Variants in TRIM55 observed in about 807,000 individuals in gnomAD.
TRIM55 encodes tripartite motif containing 55, also known as tripartite motif-containing protein 55.
In TRIM55, 50 loss-of-function variants were observed where a neutral mutation model predicts 60.9. That is an observed-to-expected ratio of 0.82 (90% CI 0.65 to 1.04). TRIM55 has a LOEUF of 1.04. TRIM55 is among the 50% of genes least tolerant of loss of function. The probability of loss-of-function intolerance (pLI) is 0.00; values close to 1 mark genes in which losing one functional copy is unlikely to be tolerated. For missense variants in TRIM55, 681 were observed against 666.9 expected, an observed-to-expected ratio of 1.02 and a Z score of -0.23; for synonymous variants, 237 against 238.1, an observed-to-expected ratio of 1.00 and a Z score of 0.04.
At chr8:66,123,238 TC>T (rs1017473032), upstream of TRIM55, among the ~76,000 whole-genome samples, 4 of 152,332 alleles carry the variant, frequency 2.6e-5, no homozygotes, top group African/African-American at 9.6e-5. Flanking sequence ...CTTTGAGCTG[TC>T]CCATCTTTCA....
At chr8:66,135,815 C>A (rs1490367238) in intron 3 of TRIM55, among the ~76,000 whole-genome samples, 1 of 152,192 alleles carries the variant, frequency 6.6e-6, no homozygotes, top group Non-Finnish European at 1.5e-5. Flanking sequence ...TCCCTCTACA[C>A]ATTACCAACC....
At position 66,128,431 on chromosome 8, in the gene TRIM55, T is replaced by A. The variant is rs1329868223; in HGVS notation, c.296T>A (p.Leu99Gln). Reference protein sequence around the residue: ...RHGVYGLQRNLLVENIIDIYK... With the variant: ...RHGVYGLQRNQLVENIIDIYK... ...GGGGTATATGGACTTCAGAGGAACCTGCTGGTGGAAAATATCATTGACATC... is the reference window on the plus strand; with the variant it reads ...GGGGTATATGGACTTCAGAGGAACCAGCTGGTGGAAAATATCATTGACATC... The change falls in exon 2 of 10, where the codon CTG becomes CAG. Residue 99 changes from leucine to glutamine, a missense_variant. Physicochemically the swap from Leu to Gln is moderately radical, Grantham distance 113 (BLOSUM62 -2). Transcript: ENST00000315962. 1 of 1,613,862 alleles carries A rather than the reference T, an allele frequency of 6.2e-7. No homozygotes were observed. Among genetic ancestry groups the A allele is most frequent in the East Asian group, 2.2e-5 (1 of 44,878 alleles).
chr8:66,127,790 G>C (rs560137040), intron 1 of TRIM55, among the ~76,000 whole-genome samples: 2 of 152,118 alleles, frequency 1.3e-5, no homozygotes, highest in Non-Finnish European at 2.9e-5. Context: ...AGCGGAGATC[G>C]TGCCATTGCC....
the TRIM55 span, among the ~76,000 whole-genome samples, chr8:66,114,176 C>A: frequency 6.7e-6 from 1 of 148,304 alleles, no homozygotes; most frequent in Non-Finnish European, 1.5e-5. Flanking sequence ...GATAATAAGC[C>A]GTGCCCAGCC....
intron 9 of TRIM55, among the ~76,000 whole-genome samples, chr8:66,170,332 A>G (rs1411958806): frequency 6.6e-6 from 1 of 152,196 alleles, no homozygotes; most frequent in African/African-American, 2.4e-5. Flanking sequence ...GGAATCATAT[A>G]ATATTCGTCC....
chr8:66,175,408 A>G lies in TRIM55; in HGVS notation c.*815A>G, dbSNP rs1181722737. ...TATATTTAAATCATGCTTTGTTAAT[A>G]TTTGTCCCACCATAATGCCTCCTTC... On this transcript the variant is annotated 3_prime_UTR_variant, in exon 10 of 10. Coordinates refer to ENST00000315962, the MANE Select transcript of TRIM55 (RefSeq NM_184085.2). 1 of 152,194 alleles carries G rather than the reference A, an allele frequency of 6.6e-6. No homozygotes were observed. Among genetic ancestry groups the G allele is most frequent in the Non-Finnish European group, 1.5e-5 (1 of 68,038 alleles). The allele number at this position is 152,194 out of a possible 1,614,324, so 9.4% of individuals were successfully genotyped here.
At chr8:66,121,656 T>C in the TRIM55 span, among the ~76,000 whole-genome samples, 1 of 152,198 alleles carries the variant, frequency 6.6e-6, no homozygotes. Context: ...AACGCTGAGC[T>C]GTTACCAATC....
intron 1 of TRIM55, 72 bp from the exon 2 acceptor site, chr8:66,128,232 G>C (rs1354429784): frequency 2.2e-6 from 3 of 1,361,600 alleles, no homozygotes; most frequent in Middle Eastern, 2.6e-4. Context: ...TAGTAGCAGA[G>C]AGTGAAAATA....
intron 7 of TRIM55, among the ~76,000 whole-genome samples, chr8:66,151,483 A>G (rs751755722): frequency 1.3e-5 from 2 of 152,196 alleles, no homozygotes; most frequent in Non-Finnish European, 2.9e-5. Flanking sequence ...TTTTAAAGGC[A>G]AATCTTTAGG....
At chr8:66,150,190 A>T in intron 5 of TRIM55, 27 bp from the exon 6 acceptor site, 1 of 1,608,482 alleles carries the variant, frequency 6.2e-7, no homozygotes, top group East Asian at 2.2e-5. Flanking sequence ...TAATTTAAGT[A>T]AGACTATCTT....
chr8:66,159,608 G>A (rs186440581), intron 9 of TRIM55, among the ~76,000 whole-genome samples: 216 of 152,318 alleles, frequency 1.4e-3, no homozygotes, highest in Non-Finnish European at 2.8e-3. Flanking sequence ...ATAAGAAACT[G>A]TCAAACTGTT....
rs926872124 is a variant in TRIM55 at position 66,135,944 on chromosome 8, A to G, written c.507+789A>G. ...AGGCACCGAGAACTTGAGCAGTTCC[A>G]CTACTCAGTTTCTTTCATTTAGAAT... is the stretch of plus-strand genomic sequence containing the variant. On this transcript the variant is annotated intron_variant, in intron 3 of 9. Transcript: ENST00000315962. 2.6e-5 allele frequency among the ~76,000 whole-genome samples: 4 copies of G among 152,178 alleles called. No homozygotes were observed. In the East Asian group the frequency reaches 7.7e-4, roughly 29 times the overall value.
chr8:66,152,501 T>C lies in TRIM55; in HGVS notation c.1110T>C (p.Asp370=), dbSNP rs745594108. The change falls in exon 8 of 10, where the codon GAT becomes GAC. Residue 370 remains aspartate, a synonymous_variant. Transcript: ENST00000315962. ...TTCAAACAGAGTTTCCAGGAGAAGATGAAAACCCAGAAAAAGCTTCAGAGC... is the reference window on the plus strand; with the variant it reads ...TTCAAACAGAGTTTCCAGGAGAAGACGAAAACCCAGAAAAAGCTTCAGAGC... ...ENVQTEFPGE[D]ENPEKASELS... 6 of 1,613,966 alleles carry C rather than the reference T, an allele frequency of 3.7e-6. No individual in the cohort carries two copies. Among genetic ancestry groups the C allele is most frequent in the African/African-American group, 2.7e-5 (2 of 74,876 alleles).
chr8:66,124,180 C>G (rs945414991), upstream of TRIM55, among the ~76,000 whole-genome samples: 7 of 152,186 alleles, frequency 4.6e-5, no homozygotes, highest in Non-Finnish European at 8.8e-5. Context: ...GGCTTCGCGA[C>G]CTCTCACCTG....
chr8:66,139,527 A>C (rs1399598627), intron 4 of TRIM55, among the ~76,000 whole-genome samples: 3 of 152,216 alleles, frequency 2.0e-5, no homozygotes, highest in Admixed American at 1.3e-4. Context: ...GACAAGAAGG[A>C]ACAGGTTTGA....
intron 4 of TRIM55, among the ~76,000 whole-genome samples, chr8:66,146,301 G>T (rs1810091990): frequency 6.6e-6 from 1 of 150,386 alleles, no homozygotes; most frequent in Non-Finnish European, 1.5e-5. Context: ...AAACAGAATA[G>T]AAATAAAATA....
Position 66,152,567 on chromosome 8 carries a change from A to G in TRIM55, c.1176A>G (p.Pro392=), listed in dbSNP as rs755230379. ...VELQAAPGAL[P]VSSPEPPPAL... ...TGCAGGCTGCCCCTGGGGCACTTCCAGTTTCCTCTCCAGAGCCACCTCCAG... is the reference window on the plus strand; with the variant it reads ...TGCAGGCTGCCCCTGGGGCACTTCCGGTTTCCTCTCCAGAGCCACCTCCAG... Residue 392 remains proline (P), a synonymous_variant, in exon 8 of 10, where the codon CCA becomes CCG. Coordinates refer to ENST00000315962, the MANE Select transcript of TRIM55 (RefSeq NM_184085.2). 1.4e-5 allele frequency: 22 copies of G among 1,614,034 alleles called. No individual in the cohort carries two copies. The highest frequency in any genetic ancestry group is 1.6e-5 in the Non-Finnish European group (19 of 1,180,044).
At position 66,164,037 on chromosome 8, in the gene TRIM55, A is replaced by G. The variant is rs1586249276; in HGVS notation, c.1524+9703A>G. ...TTTTTTTTTAAAGCAAAACTTGTCT[A>G]CCTCTCCTCTTTTTGTGTCTGCATG... On this transcript the variant is annotated intron_variant, in intron 9 of 9. Coordinates refer to ENST00000315962, the MANE Select transcript of TRIM55 (RefSeq NM_184085.2). 2.0e-5 allele frequency among the ~76,000 whole-genome samples: 3 copies of G among 151,474 alleles called. No homozygotes were observed. The South Asian group carries it at 6.2e-4, about 32-fold the overall frequency.
intron 4 of TRIM55, among the ~76,000 whole-genome samples, chr8:66,140,514 T>C (rs1180277963): frequency 6.6e-6 from 1 of 152,254 alleles, no homozygotes; most frequent in Non-Finnish European, 1.5e-5. Flanking sequence ...TGAATCCCTC[T>C]TGACACATTA....
Sources: gnomAD v4.1 joint callset for allele counts (sites outside exome capture counted in the v4.1 genomes callset) on GRCh38, gnomAD v4.1.1 for gene constraint, MANE v1.5 for transcripts, NCBI Gene and HGNC (gene_info 2026-07-23, HGNC 2026-07-21) for gene names.